Variants in SORCS1 observed in about 807,000 individuals in gnomAD.
SORCS1 encodes sortilin related VPS10 domain containing receptor 1.
In SORCS1, 60 loss-of-function variants were observed where a neutral mutation model predicts 146.1. The ratio of observed to expected loss-of-function variants is 0.41; its 90% CI spans 0.33 to 0.51. SORCS1 has a LOEUF of 0.51. Ranked by LOEUF, SORCS1 falls within the 20% of genes least tolerant of loss-of-function variation. SORCS1 has a pLI of 0.21. For synonymous variants in SORCS1, 637 were observed against 584.0 expected (o/e 1.09, Z -1.31); for missense variants, 1,352 against 1,487.6 (o/e 0.91, Z 1.50).
At chr10:106,773,436 C>G (rs1200777883) in intron 4 of SORCS1, among the ~76,000 whole-genome samples, 1 of 152,214 alleles carries the variant, frequency 6.6e-6, no homozygotes, top group Non-Finnish European at 1.5e-5. Context: ...CATCAGCTAA[C>G]GGCTGCGGCT....
rs869195563 is a variant in SORCS1 at position 106,762,386 on chromosome 10, C to CTTTTTTTTTTT, written c.886-736_886-726dup. Among the ~76,000 whole-genome samples the CTTTTTTTTTTT allele has an allele frequency of 2.7e-4, 20 of 73,828 alleles. 1 individual carries two copies. The highest frequency in any genetic ancestry group is 1.5e-3 in the East Asian group (3 of 2,060). The allele number at this position is 73,828 out of a possible 152,430, so 48.4% of individuals were successfully genotyped here. On this transcript the variant is annotated intron_variant, in intron 4 of 25. Coordinates refer to ENST00000263054, the MANE Select transcript of SORCS1 (RefSeq NM_052918.5). Reference sequence around the variant, plus strand: ...TTCTTTCTAAGTCTTTTTTATTATTCTTTTTTTTTTTTTTTTTTTTTTTTG... The same window carrying CTTTTTTTTTTT: ...TTCTTTCTAAGTCTTTTTTATTATTCTTTTTTTTTTTTTTTTTTTTTTTTTTTTTTTTTTTG...
At chr10:107,008,546 G>A (rs1957549817) in intron 1 of SORCS1, among the ~76,000 whole-genome samples, 1 of 152,214 alleles carries the variant, frequency 6.6e-6, no homozygotes, top group South Asian at 2.1e-4. Flanking sequence ...ATTGAAATAA[G>A]TAGATTGATG....
intron 16 of SORCS1, among the ~76,000 whole-genome samples, chr10:106,669,837 C>T (rs1851453714): frequency 6.6e-6 from 1 of 152,198 alleles, no homozygotes; most frequent in Non-Finnish European, 1.5e-5. Flanking sequence ...GGTCTGACGG[C>T]TGGCTGCCAC....
intron 15 of SORCS1, among the ~76,000 whole-genome samples, chr10:106,671,804 G>A (rs924312516): frequency 1.3e-5 from 2 of 152,130 alleles, no homozygotes; most frequent in African/African-American, 4.8e-5. Flanking sequence ...ATTTTGCCTC[G>A]ATTTATTATG....
At chr10:107,044,578 C>G (rs1445364469) in intron 1 of SORCS1, among the ~76,000 whole-genome samples, 2 of 139,998 alleles carry the variant, frequency 1.4e-5, no homozygotes, top group African/African-American at 5.3e-5. Flanking sequence ...AATCCTAGCA[C>G]TTTGGGAGGC....
chr10:106,689,404 AC>A (rs1297140147), intron 9 of SORCS1, among the ~76,000 whole-genome samples: 25 of 152,180 alleles, frequency 1.6e-4, no homozygotes, highest in African/African-American at 5.8e-4. Flanking sequence ...CTCATTTAAT[AC>A]TCAGAATAAC....
At chr10:107,013,773 C>G (rs997206838) in intron 1 of SORCS1, among the ~76,000 whole-genome samples, 5 of 152,132 alleles carry the variant, frequency 3.3e-5, no homozygotes, top group African/African-American at 1.2e-4. Context: ...GTCTGACCTC[C>G]TCATGCTACA....
chr10:107,051,845 A>T (rs10748931), intron 1 of SORCS1, among the ~76,000 whole-genome samples: 3 of 152,052 alleles, frequency 2.0e-5, no homozygotes, highest in Admixed American at 6.6e-5. Flanking sequence ...CCAACTTTTT[A>T]GATGCTAATC....
rs1037719106 is a variant in SORCS1, at chr10:106,956,529, C to G, written c.610G>C (p.Glu204Gln). 6.2e-7 allele frequency: 1 copy of G among 1,614,146 alleles called. No homozygotes were observed. ...LYDYNLGSIT[E>Q]SSLWRSTDYG... ...TCTACATACCTCCAAAGCGAGCTCT[C>G]TGTGATGCTCCCCAGGTTATAGTCA... The change falls in exon 2 of 26, where the codon GAG (glutamate) becomes CAG (glutamine). Residue 204 changes from glutamate to glutamine, a missense_variant. Glu to Gln is a conservative substitution (Grantham distance 29). Transcript: ENST00000263054.
chr10:107,094,423 G>A (rs1314446394), intron 1 of SORCS1, among the ~76,000 whole-genome samples: 1 of 152,062 alleles, frequency 6.6e-6, no homozygotes, highest in East Asian at 1.9e-4. Flanking sequence ...TCATATTTCT[G>A]TTTCACAATA....
At chr10:106,587,282 A>G (rs1220578286) in intron 24 of SORCS1, among the ~76,000 whole-genome samples, 7 of 152,252 alleles carry the variant, frequency 4.6e-5, no homozygotes, top group Non-Finnish European at 1.0e-4. Flanking sequence ...CTAAAGAGAC[A>G]GATAAACTTA....
intron 18 of SORCS1, among the ~76,000 whole-genome samples, chr10:106,629,942 G>T (rs539293153): frequency 2.6e-5 from 4 of 152,316 alleles, no homozygotes; most frequent in South Asian, 4.1e-4. Flanking sequence ...TACTCGGGGG[G>T]GCTGAGGCGG....
chr10:106,748,151 T>C (rs1857882917), intron 5 of SORCS1, among the ~76,000 whole-genome samples: 1 of 152,148 alleles, frequency 6.6e-6, no homozygotes. Context: ...ATACTGAGTT[T>C]TTTTGTTTTG....
intron 4 of SORCS1, among the ~76,000 whole-genome samples, chr10:106,773,444 G>A (rs1860180034): frequency 6.6e-6 from 1 of 152,184 alleles, no homozygotes; most frequent in South Asian, 2.1e-4. Context: ...AACGGCTGCG[G>A]CTCACTCCCT....
chr10:106,862,086 C>T (rs1370567197), intron 2 of SORCS1, among the ~76,000 whole-genome samples: 3 of 152,124 alleles, frequency 2.0e-5, no homozygotes, highest in Admixed American at 6.5e-5. Context: ...TAATTGGAGA[C>T]AACTGGACCA....
At chr10:106,648,901 C>T (rs1419573726) in intron 18 of SORCS1, among the ~76,000 whole-genome samples, 1 of 151,990 alleles carries the variant, frequency 6.6e-6, no homozygotes, top group African/African-American at 2.4e-5. Context: ...AGCAAGCAGA[C>T]ACACAGGCAG....
At chr10:106,896,821 C>G (rs1438723352) in intron 2 of SORCS1, among the ~76,000 whole-genome samples, 1 of 151,350 alleles carries the variant, frequency 6.6e-6, no homozygotes. Context: ...TGAAATGACT[C>G]AAGGTCACAG....
chr10:106,924,113 G>A (rs904288676), intron 2 of SORCS1, among the ~76,000 whole-genome samples: 1 of 152,120 alleles, frequency 6.6e-6, no homozygotes, highest in Non-Finnish European at 1.5e-5. Flanking sequence ...AATTAGTCGG[G>A]CGTGGAGGCA....
intron 17 of SORCS1, among the ~76,000 whole-genome samples, chr10:106,655,952 G>A (rs930739025): frequency 6.6e-6 from 1 of 152,204 alleles, no homozygotes; most frequent in Non-Finnish European, 1.5e-5. Flanking sequence ...TTATGATTAT[G>A]TTGGACCTGC....
Sources: allele counts gnomAD v4.1 joint callset (sites outside exome capture counted in the v4.1 genomes callset), GRCh38; gene constraint gnomAD v4.1.1; transcripts MANE v1.5; gene names NCBI Gene and HGNC (gene_info 2026-07-23, HGNC 2026-07-21).